PTH2R: variants seen among roughly 807,000 people sequenced by gnomAD.
The protein encoded by PTH2R is parathyroid hormone 2 receptor.
In PTH2R, 59 loss-of-function variants were observed where a neutral mutation model predicts 60.3. That is an observed-to-expected ratio of 0.98 (90% CI 0.79 to 1.22). The LOEUF is 1.22. Among genes scored for constraint, PTH2R ranks in the 50% most tolerant of loss-of-function variants. The pLI is 0.00. For missense variants in PTH2R, 749 were observed against 682.6 expected (o/e 1.10, Z -1.08); for synonymous variants, 256 against 243.8 (o/e 1.05, Z -0.47).
intron 1 of PTH2R, among the ~76,000 whole-genome samples, chr2:208,371,551 G>T (rs1700701645): frequency 6.6e-6 from 1 of 152,056 alleles, no homozygotes; most frequent in Admixed American, 6.5e-5. Flanking sequence ...TAATTCGCAG[G>T]CCCTAGACCA....
chr2:208,454,934 C>A (rs1702480446), intron 8 of PTH2R, among the ~76,000 whole-genome samples: 1 of 152,114 alleles, frequency 6.6e-6, no homozygotes, highest in Non-Finnish European at 1.5e-5. Context: ...TATAAAGAAC[C>A]TGTCACTCAC....
intron 1 of PTH2R, among the ~76,000 whole-genome samples, chr2:208,367,241 A>G (rs776996403): frequency 5.7e-4 from 86 of 151,974 alleles, no homozygotes; most frequent in African/African-American, 2.0e-3. Flanking sequence ...TTACAGGCAC[A>G]TGCCACCATG....
intron 8 of PTH2R, among the ~76,000 whole-genome samples, chr2:208,454,968 CAG>C (rs1377950633): frequency 5.9e-5 from 9 of 152,172 alleles, no homozygotes; most frequent in Non-Finnish European, 1.5e-5. Flanking sequence ...TAGAACTGTA[CAG>C]AGTCATTGTC....
chr2:208,491,215 G>T lies in PTH2R; in HGVS notation c.1257+535G>T, dbSNP rs76548032. On this transcript the variant is annotated intron_variant, in intron 12 of 12. Transcript: ENST00000272847. Reference sequence around the variant, plus strand: ...GTTTCTTCTCTCAAATTTTAAGCTTGCTGCAGGCCCCAGAAGTGCACAGAT... The same window carrying T: ...GTTTCTTCTCTCAAATTTTAAGCTTTCTGCAGGCCCCAGAAGTGCACAGAT... 5.8e-3 allele frequency among the ~76,000 whole-genome samples: 882 copies of T among 152,238 alleles called. 11 individuals are homozygous for T. Among genetic ancestry groups the T allele is most frequent in the African/African-American group, 0.02 (826 of 41,538 alleles).
At chr2:208,455,972 C>G (rs1355572336) in intron 8 of PTH2R, among the ~76,000 whole-genome samples, 7 of 152,140 alleles carry the variant, frequency 4.6e-5, no homozygotes, top group Admixed American at 4.6e-4. Flanking sequence ...GGCAAGGTGG[C>G]TCATGCCTGT....
intron 1 of PTH2R, among the ~76,000 whole-genome samples, chr2:208,420,943 T>A (rs1397236164): frequency 6.6e-6 from 1 of 152,206 alleles, no homozygotes. Context: ...ACTTCTCCCT[T>A]CCCTGCAACA....
rs145708069 is a variant in PTH2R, at chr2:208,451,373, G to T, written c.914+564G>T. Among the ~76,000 whole-genome samples the T allele has an allele frequency of 6.1e-3, 936 of 152,202 alleles. 9 individuals carry two copies. The highest frequency in any genetic ancestry group is 0.021 in the African/African-American group (874 of 41,520). On this transcript the variant is annotated intron_variant, in intron 8 of 12. Coordinates refer to ENST00000272847, the MANE Select transcript of PTH2R (RefSeq NM_005048.4). Reference sequence around the variant, plus strand: ...TGAATTAGCCTGCAGAGAAGTTCTGGGTTTTATTTGTGGCCCTTGGGAAAA... The same window carrying T: ...TGAATTAGCCTGCAGAGAAGTTCTGTGTTTTATTTGTGGCCCTTGGGAAAA...
chr2:208,461,906 G>T (rs1297629683), intron 9 of PTH2R, among the ~76,000 whole-genome samples: 1 of 152,246 alleles, frequency 6.6e-6, no homozygotes, highest in Non-Finnish European at 1.5e-5. Context: ...AAATAGAAGT[G>T]ATGGCACACT....
chr2:208,467,280 T>A (rs979832686), intron 9 of PTH2R, among the ~76,000 whole-genome samples: 1 of 152,168 alleles, frequency 6.6e-6, no homozygotes, highest in Non-Finnish European at 1.5e-5. Context: ...CTTTTCTTTT[T>A]TTTCCCCCTA....
At chr2:208,388,139 C>G (rs1037005002) in intron 1 of PTH2R, among the ~76,000 whole-genome samples, 13 of 149,546 alleles carry the variant, frequency 8.7e-5, no homozygotes, top group Admixed American at 8.0e-4. Flanking sequence ...GAAACCCCCC[C>G]CCCCGTCTCT....
At chr2:208,439,514 AT>A (rs1317594556) in intron 4 of PTH2R, among the ~76,000 whole-genome samples, 8 of 152,058 alleles carry the variant, frequency 5.3e-5, no homozygotes, top group East Asian at 3.9e-4. Context: ...AGTTAATAAA[AT>A]TTTTTTATAA....
At chr2:208,418,811 C>A (rs1701693974) in intron 1 of PTH2R, among the ~76,000 whole-genome samples, 1 of 152,094 alleles carries the variant, frequency 6.6e-6, no homozygotes, top group African/African-American at 2.4e-5. Context: ...ACAATACATC[C>A]TGGAAATCAT....
At chr2:208,388,990 A>G (rs946580896) in intron 1 of PTH2R, among the ~76,000 whole-genome samples, 3 of 152,174 alleles carry the variant, frequency 2.0e-5, no homozygotes, top group African/African-American at 7.2e-5. Flanking sequence ...GTAGAAAACA[A>G]TGTAACCTTA....
chr2:208,418,149 A>G (rs1483339749), intron 1 of PTH2R, among the ~76,000 whole-genome samples: 1 of 152,166 alleles, frequency 6.6e-6, no homozygotes, highest in African/African-American at 2.4e-5. Context: ...AGTAATAGCT[A>G]TCAAAAATAA....
intron 1 of PTH2R, among the ~76,000 whole-genome samples, chr2:208,391,425 G>A (rs1398937090): frequency 1.3e-5 from 2 of 152,148 alleles, no homozygotes; most frequent in Non-Finnish European, 2.9e-5. Flanking sequence ...CTGTTGAGCT[G>A]GTCCTTGGGC....
At chr2:208,373,716 A>G (rs1700743941) in intron 1 of PTH2R, among the ~76,000 whole-genome samples, 1 of 152,064 alleles carries the variant, frequency 6.6e-6, no homozygotes, top group African/African-American at 2.4e-5. Context: ...TTTAATCTGG[A>G]GCAGAGGAAA....
chr2:208,441,299 G>C (rs1200810332), intron 4 of PTH2R, among the ~76,000 whole-genome samples: 1 of 152,202 alleles, frequency 6.6e-6, no homozygotes, highest in African/African-American at 2.4e-5. Context: ...AGAGTCTGAA[G>C]TGCAGGAGCT....
At chr2:208,449,837 C>T (rs1188256994) in intron 7 of PTH2R, among the ~76,000 whole-genome samples, 1 of 152,060 alleles carries the variant, frequency 6.6e-6, no homozygotes, top group Non-Finnish European at 1.5e-5. Context: ...ATGTTCTTGG[C>T]TAGACCAAAA....
intron 1 of PTH2R, among the ~76,000 whole-genome samples, chr2:208,375,667 G>T (rs972811902): frequency 1.3e-5 from 2 of 152,100 alleles, no homozygotes; most frequent in Non-Finnish European, 2.9e-5. Context: ...CAGCCTGTGA[G>T]GTGATGTGAT....
Sources: gnomAD v4.1 joint callset for allele counts (sites outside exome capture counted in the v4.1 genomes callset) on GRCh38, gnomAD v4.1.1 for gene constraint, MANE v1.5 for transcripts, NCBI Gene and HGNC (gene_info 2026-07-23, HGNC 2026-07-21) for gene names.